DSN1: variants seen among roughly 807,000 people sequenced by gnomAD.
DSN1 encodes the protein DSN1 component of MIS12 kinetochore complex, also known as kinetochore-associated protein DSN1 homolog.
A neutral mutation model predicts 45.7 loss-of-function variants in DSN1; 31 were observed. The observed-to-expected ratio is 0.68, with a 90% confidence interval of 0.51 to 0.92. The LOEUF is 0.92. Ranked by LOEUF, DSN1 falls within the 40% of genes least tolerant of loss-of-function variation. The probability of loss-of-function intolerance (pLI) is 0.00; values close to 1 mark genes in which losing one functional copy is unlikely to be tolerated. For synonymous variants in DSN1, 134 were observed against 142.3 expected, an observed-to-expected ratio of 0.94 and a Z score of 0.41; for missense variants, 394 against 414.2, an observed-to-expected ratio of 0.95 and a Z score of 0.42.
intron 1 of DSN1, among the ~76,000 whole-genome samples, chr20:36,772,717 T>G (rs1987716330): frequency 6.6e-6 from 1 of 152,270 alleles, no homozygotes. Flanking sequence ...TTCTGAATCT[T>G]TGCACATATC....
At chr20:36,764,391 T>G (rs1987199393) in intron 5 of DSN1, among the ~76,000 whole-genome samples, 1 of 152,196 alleles carries the variant, frequency 6.6e-6, no homozygotes, top group Non-Finnish European at 1.5e-5. Context: ...AATTCTGAGA[T>G]AAACAATTTT....
intron 6 of DSN1, among the ~76,000 whole-genome samples, chr20:36,759,075 C>G (rs1356432598): frequency 6.6e-6 from 1 of 152,060 alleles, no homozygotes; most frequent in Non-Finnish European, 1.5e-5. Flanking sequence ...CTCTGCCTCC[C>G]GGGTTCAAGT....
Position 36,766,904 on chromosome 20 carries a change from T to C in DSN1, c.430-63A>G, listed in dbSNP as rs531461626. On this transcript the variant is annotated intron_variant, in intron 4 of 10. Coordinates refer to ENST00000373750, the MANE Select transcript of DSN1 (RefSeq NM_001145315.2). ...AACTTCCAGGCCAGTCCTAAATTTA[T>C]GTCATTTTATGATGTTTAATAAATA... 97 of 1,120,530 alleles carry C rather than the reference T, an allele frequency of 8.7e-5. No homozygotes were observed. The East Asian group carries it at 2.1e-3, about 25-fold the overall frequency. 69.4% of individuals were successfully genotyped at this position (1,120,530 alleles called of 1,614,324 possible).
At chr20:36,769,664 G>A (rs1256620353) in intron 3 of DSN1, among the ~76,000 whole-genome samples, 2 of 152,088 alleles carry the variant, frequency 1.3e-5, no homozygotes, top group Non-Finnish European at 2.9e-5. Context: ...CCCAAGTACT[G>A]TGTTATGTAA....
Position 36,771,583 on chromosome 20 carries a change from T to G in DSN1, c.-15-110A>C, listed in dbSNP as rs575844217. On this transcript the variant is annotated intron_variant, in intron 1 of 10. Transcript: ENST00000373750. ...CGTGTGCTTTCCAGCCTCTCTGAGC[T>G]ACCCTTATCCACCTCCCTGACAGAG... 6 of 940,690 alleles carry G rather than the reference T, an allele frequency of 6.4e-6. No individual in the cohort carries two copies. The East Asian group carries it at 1.3e-4, about 20-fold the overall frequency. 58.3% of individuals were successfully genotyped at this position (940,690 alleles called of 1,614,324 possible). A position where few individuals can be genotyped will look rare whatever the true frequency, so the allele number is the denominator to read the frequency against.
At chr20:36,770,721 A>T in intron 3 of DSN1, 152 bp downstream of exon 3, 1 of 864,894 alleles carries the variant, frequency 1.2e-6, no homozygotes, top group Non-Finnish European at 1.8e-6. Context: ...AATACTGAAC[A>T]TTTACTAGGT....
Position 36,752,316 on chromosome 20 carries a change from A to AATGCTAGG in DSN1, c.*464_*471dup, listed in dbSNP as rs1270172679. 1 of 152,542 alleles carries AATGCTAGG rather than the reference A, an allele frequency of 6.6e-6. No individual in the cohort carries two copies. The highest frequency in any genetic ancestry group is 2.4e-5 in the African/African-American group (1 of 41,450). The allele number at this position is 152,542 out of a possible 1,614,324, so 9.4% of individuals were successfully genotyped here. ...CAATCCACCCGCCTCAGTCACCCAA[A>AATGCTAGG]ATGCTAGGATTACAGGCGTGAGCCA... On this transcript the variant is annotated 3_prime_UTR_variant, in exon 11 of 11. Coordinates refer to ENST00000373750, the MANE Select transcript of DSN1 (RefSeq NM_001145315.2).
chr20:36,762,910 T>C (rs971513522), intron 5 of DSN1, among the ~76,000 whole-genome samples: 4 of 152,124 alleles, frequency 2.6e-5, no homozygotes. Context: ...AGCACCACCA[T>C]GCCCAGCTAA....
intron 3 of DSN1, among the ~76,000 whole-genome samples, chr20:36,770,011 G>C (rs1302554361): frequency 1.3e-5 from 2 of 148,868 alleles, no homozygotes; most frequent in Non-Finnish European, 3.0e-5. Context: ...GAAGAGGGAA[G>C]GGAGAGGGGT....
chr20:36,768,385 A>C lies in DSN1; in HGVS notation c.356-343T>G, dbSNP rs115083522. ...TGGTGAAATCCCGTCTCTACTAAAA[A>C]CAGAAAAATTAGCCAGGAGTGGTGG... On this transcript the variant is annotated intron_variant, in intron 3 of 10. Coordinates refer to ENST00000373750, the MANE Select transcript of DSN1 (RefSeq NM_001145315.2). Among the ~76,000 whole-genome samples, 1,022 of 152,222 alleles carry C rather than the reference A, an allele frequency of 6.7e-3. 13 individuals are homozygous for C. Among genetic ancestry groups the C allele is most frequent in the African/African-American group, 0.023 (961 of 41,518 alleles).
In DSN1 at chr20:36,752,670, G is replaced by T; in HGVS notation, c.*118C>A. On this transcript the variant is annotated 3_prime_UTR_variant, in exon 11 of 11. Transcript: ENST00000373750. ...TTGAAAAAAGTCAAAGTGTTCTACA[G>T]TCAGTCCTGCCAGTTATCTTCAAAG... The T allele has an allele frequency of 1.3e-6, 1 of 772,528 alleles. No homozygotes were observed. Among genetic ancestry groups the T allele is most frequent in the Non-Finnish European group, 2.2e-6 (1 of 451,892 alleles). The allele number at this position is 772,528 out of a possible 1,614,324, so 47.9% of individuals were successfully genotyped here. A position where few individuals can be genotyped will look rare whatever the true frequency, so the allele number is the denominator to read the frequency against.
intron 10 of DSN1, 62 bp from the exon 11 acceptor site, chr20:36,752,959 C>T (rs1600996671): frequency 3.7e-6 from 5 of 1,352,964 alleles, no homozygotes; most frequent in Admixed American, 1.7e-5. Context: ...TTATTGAAAA[C>T]TTAATGTAGG....
rs940021077 is a variant in DSN1, at chr20:36,755,259, C to G, written c.874-409G>C. On this transcript the variant is annotated intron_variant, in intron 9 of 10. Transcript: ENST00000373750. The stretch of plus-strand genomic sequence containing the variant: ...CACTAACCCTTGTGGTTCTCCAATA[C>G]CCATACCTTTCTATTTAGCCTTTCT... Among the ~76,000 whole-genome samples the G allele has an allele frequency of 2.0e-5, 3 of 152,050 alleles. No individual in the cohort carries two copies. The South Asian group carries it at 6.2e-4, about 32-fold the overall frequency.
intron 7 of DSN1, 119 bp downstream of exon 7, chr20:36,758,439 A>T: frequency 1.2e-6 from 1 of 836,982 alleles, no homozygotes; most frequent in Non-Finnish European, 1.9e-6. Flanking sequence ...TCTAACTTCT[A>T]GTATTGATGC....
chr20:36,772,008 G>A (rs1987675067), intron 1 of DSN1, among the ~76,000 whole-genome samples: 1 of 152,172 alleles, frequency 6.6e-6, no homozygotes, highest in South Asian at 2.1e-4. Context: ...AGCCTCCTGA[G>A]TAGCTGGGAT....
chr20:36,762,609 G>T, intron 5 of DSN1, 61 bp from the exon 6 acceptor site: 1 of 1,470,246 alleles, frequency 6.8e-7, no homozygotes, highest in Non-Finnish European at 9.3e-7. Flanking sequence ...ATAGTGAGAT[G>T]CTGACAAAGG....
intron 4 of DSN1, 83 bp downstream of exon 4, chr20:36,767,886 A>G: frequency 7.2e-7 from 1 of 1,384,124 alleles, no homozygotes; most frequent in South Asian, 1.2e-5. Context: ...TGGGTGACAG[A>G]GTCAGGCTCC....
intron 10 of DSN1, among the ~76,000 whole-genome samples, chr20:36,753,595 G>GCA: frequency 2.1e-5 from 3 of 142,626 alleles, no homozygotes; most frequent in South Asian, 2.2e-4. Context: ...CCAAGATCAT[G>GCA]CCACTGCACT....
intron 9 of DSN1, 135 bp from the exon 10 acceptor site, chr20:36,754,985 T>C: frequency 1.4e-6 from 1 of 701,780 alleles, no homozygotes; most frequent in Non-Finnish European, 2.4e-6. Context: ...GCCAGATAAT[T>C]CTGTTTGTTC....
Sources: gnomAD v4.1 joint callset for allele counts (sites outside exome capture counted in the v4.1 genomes callset) on GRCh38, gnomAD v4.1.1 for gene constraint, MANE v1.5 for transcripts, NCBI Gene and HGNC (gene_info 2026-07-23, HGNC 2026-07-21) for gene names.